Variants in EYS observed in about 807,000 individuals in gnomAD.
EYS encodes EGF-like photoreceptor maintenance factor, also known as protein eyes shut homolog.
A neutral mutation model predicts 282.1 loss-of-function variants in EYS; 250 were observed. That is an observed-to-expected ratio of 0.89 (90% CI 0.80 to 0.98). The LOEUF (loss-of-function observed/expected upper bound fraction) is 0.98, where lower values mean the gene tolerates loss of function less well. EYS is among the 50% of genes least tolerant of loss of function. EYS has a pLI of 0.00. For missense variants in EYS, 4,016 were observed against 3,709.0 expected, an observed-to-expected ratio of 1.08 and a Z score of -2.15; for synonymous variants, 1,355 against 1,282.9, an observed-to-expected ratio of 1.06 and a Z score of -1.20.
chr6:65,628,901 T>C (rs1183092507), intron 2 of EYS, among the ~76,000 whole-genome samples: 5 of 152,218 alleles, frequency 3.3e-5, no homozygotes, highest in African/African-American at 1.2e-4. Context: ...TGGAAAATAA[T>C]TCAATGGTTT....
At chr6:65,113,094 A>G (rs1368008373) in intron 12 of EYS, among the ~76,000 whole-genome samples, 2 of 152,100 alleles carry the variant, frequency 1.3e-5, no homozygotes, top group Non-Finnish European at 2.9e-5. Context: ...TAGCTCTTGC[A>G]AACCTCCTTT....
chr6:64,027,871 G>A (rs567809212), intron 33 of EYS, among the ~76,000 whole-genome samples: 1 of 152,168 alleles, frequency 6.6e-6, no homozygotes, highest in Non-Finnish European at 1.5e-5. Flanking sequence ...CCCCGGGTAT[G>A]TTTAACTATT....
At chr6:64,940,739 C>T (rs182465380) in intron 15 of EYS, among the ~76,000 whole-genome samples, 1 of 151,654 alleles carries the variant, frequency 6.6e-6, no homozygotes, top group Non-Finnish European at 1.5e-5. Flanking sequence ...CCATTATTGC[C>T]AGCTATTGTG....
chr6:64,301,401 C>A (rs1171460950), intron 30 of EYS, among the ~76,000 whole-genome samples: 2 of 152,166 alleles, frequency 1.3e-5, no homozygotes, highest in African/African-American at 2.4e-5. Context: ...ATTGCATAGA[C>A]CCAGTCTATT....
intron 12 of EYS, among the ~76,000 whole-genome samples, chr6:65,293,535 T>C (rs1440629544): frequency 2.6e-5 from 4 of 151,878 alleles, no homozygotes; most frequent in Admixed American, 1.3e-4. Flanking sequence ...CTAGCTGCTT[T>C]CCTCATGCTG....
chr6:65,443,822 C>T (rs1768542651), intron 5 of EYS, among the ~76,000 whole-genome samples: 1 of 151,352 alleles, frequency 6.6e-6, no homozygotes, highest in Non-Finnish European at 1.5e-5. Context: ...TAGTAATATT[C>T]CCTTACTGTT....
intron 29 of EYS, among the ~76,000 whole-genome samples, chr6:64,362,973 C>T (rs1035530422): frequency 5.5e-5 from 8 of 145,794 alleles, no homozygotes; most frequent in Non-Finnish European, 1.2e-4. Context: ...CCTTCTTTTT[C>T]TGTTTCATTT....
chr6:64,319,447 C>T (rs1286089587), intron 29 of EYS, among the ~76,000 whole-genome samples: 1 of 151,934 alleles, frequency 6.6e-6, no homozygotes, highest in African/African-American at 2.4e-5. Context: ...GAAAGAACTT[C>T]GTTTAGCAGG....
At chr6:64,667,512 A>C (rs1333119008) in intron 22 of EYS, among the ~76,000 whole-genome samples, 2 of 150,150 alleles carry the variant, frequency 1.3e-5, no homozygotes, top group African/African-American at 2.4e-5. Flanking sequence ...GGAACTTATG[A>C]CTTTTTTTTT....
At chr6:64,263,667 T>C (rs185331742) in intron 30 of EYS, among the ~76,000 whole-genome samples, 23 of 152,254 alleles carry the variant, frequency 1.5e-4, no homozygotes, top group Admixed American at 1.1e-3. Context: ...ATAATAAGTA[T>C]TCCTAACCAA....
At chr6:64,594,485 T>G (rs965933836) in intron 24 of EYS, among the ~76,000 whole-genome samples, 1 of 151,872 alleles carries the variant, frequency 6.6e-6, no homozygotes, top group Non-Finnish European at 1.5e-5. Flanking sequence ...ATGTGGCACA[T>G]AGACACCATG....
chr6:64,112,443 T>A (rs1050041768), intron 31 of EYS, among the ~76,000 whole-genome samples: 22 of 151,936 alleles, frequency 1.4e-4, no homozygotes, highest in Non-Finnish European at 1.6e-4. Flanking sequence ...TTATAAGGTA[T>A]ATGTTTATGG....
At chr6:64,801,663 TAAA>T (rs1764234173) in intron 22 of EYS, among the ~76,000 whole-genome samples, 1 of 152,284 alleles carries the variant, frequency 6.6e-6, no homozygotes, top group Non-Finnish European at 1.5e-5. Flanking sequence ...TTCTTTTATT[TAAA>T]ATGAAAAGGC....
intron 35 of EYS, among the ~76,000 whole-genome samples, chr6:63,961,769 C>T (rs868273712): frequency 5.3e-5 from 8 of 152,076 alleles, no homozygotes; most frequent in African/African-American, 1.9e-4. Flanking sequence ...AAAGGTCCTA[C>T]TTCTAAGTAT....
At chr6:65,118,423 T>C (rs1775440667) in intron 12 of EYS, among the ~76,000 whole-genome samples, 1 of 152,208 alleles carries the variant, frequency 6.6e-6, no homozygotes, top group Non-Finnish European at 1.5e-5. Flanking sequence ...TTATGTCTGT[T>C]TAGATAGGTC....
At chr6:63,939,354 G>A (rs1051328578) in intron 35 of EYS, among the ~76,000 whole-genome samples, 4 of 152,092 alleles carry the variant, frequency 2.6e-5, no homozygotes, top group Admixed American at 1.3e-4. Flanking sequence ...TTTCTTTAGT[G>A]TTTTAGATAA....
At chr6:64,538,974 T>C (rs1248634117) in intron 26 of EYS, among the ~76,000 whole-genome samples, 1 of 152,218 alleles carries the variant, frequency 6.6e-6, no homozygotes, top group Non-Finnish European at 1.5e-5. Flanking sequence ...TCTAAATTAG[T>C]GCTCTTATGT....
At position 64,943,607 on chromosome 6, in the gene EYS, AAAAC is replaced by A. The variant is rs909862699; in HGVS notation, c.2381+2182_2381+2185del. ...ACAATAGCACACACACCAAAAACAA[AAAAC>A]AAACAAACAAACAAAAAAGCAAGGA... On this transcript the variant is annotated intron_variant, in intron 15 of 42. Transcript: ENST00000503581. Among the ~76,000 whole-genome samples, 63 of 152,006 alleles carry A rather than the reference AAAAC, an allele frequency of 4.1e-4. 1 individual carries two copies. Among genetic ancestry groups the A allele is most frequent in the Middle Eastern group, 3.2e-3 (1 of 314 alleles).
intron 2 of EYS, among the ~76,000 whole-genome samples, chr6:65,530,007 C>G (rs911211270): frequency 3.9e-5 from 6 of 152,094 alleles, no homozygotes; most frequent in African/African-American, 1.4e-4. Flanking sequence ...AAAATATTAT[C>G]TTTTGTTTGC....
Sources: allele counts gnomAD v4.1 joint callset (sites outside exome capture counted in the v4.1 genomes callset), GRCh38; gene constraint gnomAD v4.1.1; transcripts MANE v1.5; gene names NCBI Gene and HGNC (gene_info 2026-07-23, HGNC 2026-07-21).